Variants in CFAP47 observed in about 807,000 individuals in gnomAD.
CFAP47 encodes the protein cilia and flagella associated protein 47.
In CFAP47, 29 loss-of-function variants were observed where a neutral mutation model predicts 148.1. The observed-to-expected ratio is 0.20, with a 90% CI of 0.15 to 0.27. The LOEUF (loss-of-function observed/expected upper bound fraction) is 0.27, where lower values mean the gene tolerates loss of function less well. Ranked by LOEUF, CFAP47 falls within the 10% of genes least tolerant of loss-of-function variation. The probability of loss-of-function intolerance (pLI) is 1.00; values close to 1 mark genes in which losing one functional copy is unlikely to be tolerated. For missense variants in CFAP47, 1,872 were observed against 1,697.5 expected, an observed-to-expected ratio of 1.10 and a Z score of -1.81; for synonymous variants, 664 against 577.3, an observed-to-expected ratio of 1.15 and a Z score of -2.15.
intron 39 of CFAP47, among the ~76,000 whole-genome samples, chrX:36,177,270 G>C (rs1939695829): frequency 8.9e-6 from 1 of 112,236 alleles, no homozygotes; most frequent in Admixed American, 9.5e-5. Flanking sequence ...TGTATGTACA[G>C]TGTATAAAAA....
chrX:36,196,739 G>A (rs1167359156), intron 42 of CFAP47, among the ~76,000 whole-genome samples: 10 of 111,063 alleles, frequency 9.0e-5, no homozygotes, highest in African/African-American at 3.3e-4. Flanking sequence ...AATGAGCTTT[G>A]GCATCTTTCT....
chrX:36,095,684 A>G (rs1938263965), intron 30 of CFAP47, among the ~76,000 whole-genome samples: 1 of 110,996 alleles, frequency 9.0e-6, no homozygotes, highest in South Asian at 3.7e-4. Context: ...GCTACTTGTG[A>G]TCATTTGAAT....
intron 1 of CFAP47, among the ~76,000 whole-genome samples, chrX:35,922,423 C>G (rs1486119172): frequency 8.9e-6 from 1 of 112,375 alleles, no homozygotes; most frequent in Non-Finnish European, 1.9e-5. Context: ...AGGGATGGTG[C>G]CTTGCACACA....
chrX:36,123,662 T>G (rs887074099), intron 33 of CFAP47, among the ~76,000 whole-genome samples: 1 of 110,803 alleles, frequency 9.0e-6, no homozygotes, highest in Non-Finnish European at 1.9e-5. Context: ...CTGCATGGAC[T>G]GGGACTTCCC....
chrX:36,120,804 T>C (rs777152230), intron 33 of CFAP47, among the ~76,000 whole-genome samples: 2 of 110,926 alleles, frequency 1.8e-5, no homozygotes, highest in Non-Finnish European at 3.8e-5. Context: ...TTGAGAATGA[T>C]CCATGTGCTG....
chrX:36,195,267 A>G (rs1308831177), intron 42 of CFAP47, among the ~76,000 whole-genome samples: 1 of 112,411 alleles, frequency 8.9e-6, no homozygotes, highest in East Asian at 2.8e-4. Context: ...TGAGTTGCCA[A>G]TAAAACAAAG....
chrX:36,098,250 C>T (rs984686264), intron 30 of CFAP47, among the ~76,000 whole-genome samples: 15 of 111,826 alleles, frequency 1.3e-4, no homozygotes, highest in African/African-American at 4.9e-4. Flanking sequence ...CCTCAACATA[C>T]CTATTTTGAA....
At chrX:36,111,229 G>T (rs1382492222) in intron 33 of CFAP47, among the ~76,000 whole-genome samples, 1 of 111,407 alleles carries the variant, frequency 9.0e-6, no homozygotes, top group Non-Finnish European at 1.9e-5. Flanking sequence ...TATGATATTG[G>T]CTGTGGGTTT....
intron 39 of CFAP47, among the ~76,000 whole-genome samples, chrX:36,170,577 G>A (rs774803671): frequency 6.1e-4 from 67 of 110,482 alleles, no homozygotes; most frequent in African/African-American, 2.1e-3. Context: ...ATAGTTTACC[G>A]AGAATGATGA....
intron 22 of CFAP47, among the ~76,000 whole-genome samples, chrX:36,016,276 C>T (rs1937094896): frequency 9.1e-6 from 1 of 110,404 alleles, no homozygotes; most frequent in African/African-American, 3.3e-5. Context: ...TACCCATATA[C>T]CATCCCCTCA....
At chrX:36,145,076 CGT>C (rs199883553) in intron 35 of CFAP47, 141 bp from the exon 36 acceptor site, 54,997 of 256,112 alleles carry the variant, frequency 0.21, 969 homozygotes, top group East Asian at 0.39. Flanking sequence ...TATATATATG[CGT>C]GTGTGTGTGT....
intron 29 of CFAP47, among the ~76,000 whole-genome samples, chrX:36,077,365 G>T (rs1372027327): frequency 9.3e-6 from 1 of 107,552 alleles, no homozygotes; most frequent in Non-Finnish European, 1.9e-5. Context: ...TGGGCAGTAA[G>T]TCCATTTTAA....
Position 36,384,885 on chromosome X carries a change from C to T in CFAP47, c.9443C>T (p.Thr3148Ile), listed in dbSNP as rs1556024871. Residue 3148 changes from threonine (T) to isoleucine (I), a missense_variant, in exon 64 of 64, where the codon ACT (threonine) becomes ATT (isoleucine). Physicochemically the swap from Thr to Ile is moderately conservative, Grantham distance 89. Transcript: ENST00000378653. ...AATGCAAAAGCCAAAATTGATGCTACTCACAAGACACATGACAACATGCCA... is the reference window on the plus strand; with the variant it reads ...AATGCAAAAGCCAAAATTGATGCTATTCACAAGACACATGACAACATGCCA... ...PKNAKAKIDA[T>I]HKTHDNMPVR... 1.7e-6 allele frequency: 2 copies of T among 1,166,134 alleles called. No individual in the cohort carries two copies. The highest frequency in any genetic ancestry group is 2.3e-6 in the Non-Finnish European group (2 of 871,395).
At chrX:36,276,410 A>C (rs186128654) in intron 49 of CFAP47, among the ~76,000 whole-genome samples, 4 of 112,173 alleles carry the variant, frequency 3.6e-5, no homozygotes, top group African/African-American at 1.3e-4. Flanking sequence ...CCAATTTGAA[A>C]GAAAAATATC....
intron 44 of CFAP47, among the ~76,000 whole-genome samples, chrX:36,203,612 A>G (rs1022919251): frequency 2.7e-5 from 3 of 112,114 alleles, no homozygotes; most frequent in Non-Finnish European, 5.6e-5. Flanking sequence ...GAATCTTAAG[A>G]ACTTTTCTCA....
chrX:36,069,223 T>C (rs1222521015), intron 27 of CFAP47, among the ~76,000 whole-genome samples: 1 of 111,077 alleles, frequency 9.0e-6, no homozygotes, highest in African/African-American at 3.3e-5. Context: ...ACTGATAATA[T>C]CTGTTTTACC....
At chrX:35,996,516 C>G (rs146167748) in intron 18 of CFAP47, among the ~76,000 whole-genome samples, 1 of 111,063 alleles carries the variant, frequency 9.0e-6, no homozygotes, top group Non-Finnish European at 1.9e-5. Context: ...AAATTTAAAT[C>G]TAGACCTTGA....
At chrX:36,331,340 G>T (rs1941563952) in intron 57 of CFAP47, among the ~76,000 whole-genome samples, 2 of 109,763 alleles carry the variant, frequency 1.8e-5, no homozygotes, top group South Asian at 7.7e-4. Context: ...CTAAATTTTG[G>T]CTTGATTGTG....
intron 5 of CFAP47, 148 bp downstream of exon 5, chrX:35,951,507 C>A: frequency 4.0e-6 from 2 of 499,849 alleles, no homozygotes; most frequent in Non-Finnish European, 3.3e-6. Context: ...CCAATAGCAA[C>A]CTCAAAAAAT....
Sources: allele counts gnomAD v4.1 joint callset (sites outside exome capture counted in the v4.1 genomes callset), GRCh38; gene constraint gnomAD v4.1.1; transcripts MANE v1.5; gene names NCBI Gene and HGNC (gene_info 2026-07-23, HGNC 2026-07-21).